The following ERG variants were observed in gnomAD, a reference collection of about 807,000 sequenced individuals.
ERG encodes ETS transcription factor ERG.
ERG carries 9 observed loss-of-function variants against 55.3 expected under a neutral mutation model. The observed-to-expected ratio is 0.16, with a 90% confidence interval of 0.10 to 0.28. The LOEUF (loss-of-function observed/expected upper bound fraction) is 0.28, where lower values mean the gene tolerates loss of function less well. ERG is among the 10% of genes least tolerant of loss of function. The pLI is 1.00. For synonymous variants in ERG, 223 were observed against 237.3 expected (o/e 0.94, Z 0.55); for missense variants, 434 against 631.6 (o/e 0.69, Z 3.35).
chr21:38,573,321 T>G (rs951323704), intron 2 of ERG, among the ~76,000 whole-genome samples: 4 of 152,020 alleles, frequency 2.6e-5, no homozygotes, highest in Non-Finnish European at 5.9e-5. Flanking sequence ...TGTGCTGAGG[T>G]GGATTAGTAA....
At chr21:38,465,238 C>G (rs2059077849) in intron 1 of ERG, among the ~76,000 whole-genome samples, 1 of 152,106 alleles carries the variant, frequency 6.6e-6, no homozygotes, top group South Asian at 2.1e-4. Flanking sequence ...ATCAAGTTCC[C>G]CATGAAAAGA....
At chr21:38,526,457 T>C (rs2059631223) in intron 2 of ERG, among the ~76,000 whole-genome samples, 1 of 152,192 alleles carries the variant, frequency 6.6e-6, no homozygotes, top group Non-Finnish European at 1.5e-5. Flanking sequence ...GTCTACACTA[T>C]GTCACAGCGG....
At chr21:38,579,624 C>A (rs2836537) in intron 1 of ERG, among the ~76,000 whole-genome samples, 61,744 of 151,960 alleles carry the variant, frequency 0.41, 15,560 homozygotes, top group Non-Finnish European at 0.56. Context: ...AGCTCTGCCA[C>A]ATTAGAGACC....
intron 1 of ERG, among the ~76,000 whole-genome samples, chr21:38,651,450 A>G (rs2060488246): frequency 6.6e-6 from 1 of 152,252 alleles, no homozygotes; most frequent in Admixed American, 6.5e-5. Flanking sequence ...ACCAGCCCAG[A>G]TGGAGACGTG....
chr21:38,546,675 G>A (rs981961035), intron 2 of ERG, among the ~76,000 whole-genome samples: 1 of 152,144 alleles, frequency 6.6e-6, no homozygotes, highest in Non-Finnish European at 1.5e-5. Context: ...TGGAGGTAGC[G>A]CTAAGAAACA....
chr21:38,428,648 A>G lies in ERG; in HGVS notation c.237-5087T>C, dbSNP rs972597470. On this transcript the variant is annotated intron_variant, in intron 2 of 9. Transcript: ENST00000288319. ...CTGATGCCTTCCTGAAATGAAGACT[A>G]GTTACCTTTTAAACATACACATACT... Among the ~76,000 whole-genome samples, 9 of 152,314 alleles carry G rather than the reference A, an allele frequency of 5.9e-5. No homozygotes were observed. The South Asian group carries it at 1.9e-3, about 32-fold the overall frequency.
intron 2 of ERG, among the ~76,000 whole-genome samples, chr21:38,507,537 A>AATGAATGAATGG (rs2059472576): frequency 6.6e-6 from 1 of 150,816 alleles, no homozygotes; most frequent in Non-Finnish European, 1.5e-5. Context: ...TGAATGAGTG[A>AATGAATGAATGG]ATGAATGAAT....
At chr21:38,516,896 A>G (rs2059556247) in intron 2 of ERG, among the ~76,000 whole-genome samples, 1 of 152,102 alleles carries the variant, frequency 6.6e-6, no homozygotes, top group Admixed American at 6.5e-5. Flanking sequence ...ATGGTGCTGG[A>G]ATAATTGGAT....
intron 1 of ERG, among the ~76,000 whole-genome samples, chr21:38,481,974 T>C (rs1444698184): frequency 6.6e-6 from 1 of 152,218 alleles, no homozygotes; most frequent in Non-Finnish European, 1.5e-5. Context: ...GGATAAATGC[T>C]GGTAGGTGTT....
intron 2 of ERG, among the ~76,000 whole-genome samples, chr21:38,573,601 A>T (rs372386972): frequency 3.9e-5 from 6 of 152,186 alleles, no homozygotes; most frequent in Non-Finnish European, 7.3e-5. Flanking sequence ...TAATTATGAC[A>T]TAGATTCTTT....
chr21:38,645,239 C>T (rs770384464), intron 1 of ERG, among the ~76,000 whole-genome samples: 8 of 152,248 alleles, frequency 5.3e-5, no homozygotes, highest in Non-Finnish European at 4.4e-5. Flanking sequence ...GTACAGTTAA[C>T]GGCCCCAATT....
At chr21:38,403,857 T>C (rs776733506) in intron 3 of ERG, 148 bp from the exon 4 acceptor site, 6 of 691,920 alleles carry the variant, frequency 8.7e-6, no homozygotes, top group South Asian at 1.7e-5. Flanking sequence ...GGAGAACATT[T>C]TGGGGGAAAG....
chr21:38,369,991 G>C, the ERG span, among the ~76,000 whole-genome samples: 7 of 152,028 alleles, frequency 4.6e-5, no homozygotes, highest in Non-Finnish European at 1.0e-4. Context: ...TCTGTTTTTT[G>C]TACCAGTACC....
At chr21:38,523,691 A>G (rs554380539) in intron 2 of ERG, among the ~76,000 whole-genome samples, 1 of 152,364 alleles carries the variant, frequency 6.6e-6, no homozygotes, top group African/African-American at 2.4e-5. Flanking sequence ...CCAATTTGCT[A>G]CTGGATTTCA....
chr21:38,398,405 C>T (rs1465755336), intron 6 of ERG, among the ~76,000 whole-genome samples: 4 of 152,286 alleles, frequency 2.6e-5, no homozygotes, highest in Non-Finnish European at 5.9e-5. Context: ...AGGTCAGATA[C>T]CAATATTTGT....
chr21:38,659,517 T>C (rs995978584), intron 1 of ERG, among the ~76,000 whole-genome samples: 3 of 152,206 alleles, frequency 2.0e-5, no homozygotes, highest in African/African-American at 7.2e-5. Context: ...TTGGAGAGAA[T>C]GGAAAACAGT....
At chr21:38,424,187 G>GCTCGCTCTCTCT (rs1989704853) in intron 2 of ERG, among the ~76,000 whole-genome samples, 1 of 110,078 alleles carries the variant, frequency 9.1e-6, no homozygotes, top group African/African-American at 3.2e-5. Context: ...CAGAGCTCGA[G>GCTCGCTCTCTCT]CTCTCTCTCT....
At chr21:38,530,542 G>A (rs2059665043) in intron 2 of ERG, among the ~76,000 whole-genome samples, 1 of 152,146 alleles carries the variant, frequency 6.6e-6, no homozygotes, top group African/African-American at 2.4e-5. Context: ...TCAAGAAAAG[G>A]TCTCAAAACT....
chr21:38,631,173 C>A (rs1025113819), intron 1 of ERG, among the ~76,000 whole-genome samples: 3 of 152,114 alleles, frequency 2.0e-5, no homozygotes, highest in Non-Finnish European at 4.4e-5. Context: ...CTTCCAATTC[C>A]TTCAACTCGG....
Sources: allele counts gnomAD v4.1 joint callset (sites outside exome capture counted in the v4.1 genomes callset), GRCh38; gene constraint gnomAD v4.1.1; transcripts MANE v1.5; gene names NCBI Gene and HGNC (gene_info 2026-07-23, HGNC 2026-07-21).